CHMP1A: variants seen among roughly 807,000 people sequenced by gnomAD.
CHMP1A encodes VPS46 homolog A.
A neutral mutation model predicts 27.0 loss-of-function variants in CHMP1A; 17 were observed. The observed-to-expected ratio is 0.63, with a 90% CI of 0.43 to 0.95. The LOEUF (loss-of-function observed/expected upper bound fraction) is 0.95. Among genes scored for constraint, CHMP1A ranks in the 40% least tolerant of loss-of-function variants. The pLI, the probability that CHMP1A is intolerant of heterozygous loss-of-function variation, is 0.00. For missense variants in CHMP1A, 275 were observed against 264.0 expected (o/e 1.04, Z -0.29); for synonymous variants, 131 against 107.5 (o/e 1.22, Z -1.35).
chr16:89,650,962 G>C (rs950025680), intron 3 of CHMP1A, among the ~76,000 whole-genome samples: 4 of 152,214 alleles, frequency 2.6e-5, no homozygotes, highest in African/African-American at 9.6e-5. Flanking sequence ...GGCTGGGAAG[G>C]TCTGGCAGGG....
rs765023584 is a variant in CHMP1A at position 89,647,323 on chromosome 16, C to T, written c.261G>A (p.Lys87=). Residue 87 remains lysine, a synonymous_variant, in exon 5 of 7, where the codon AAG becomes AAA. Coordinates refer to ENST00000397901, the MANE Select transcript of CHMP1A (RefSeq NM_002768.5). The part of the protein sequence containing the change: ...QTAVTMKGVT[K]NMAQVTKALD... ...GGGCTTTGGTCACCTGGGCCATATT[C>T]TTGGTCACCTGAGACAGGAGAGAGC... 1 of 1,609,040 alleles carries T rather than the reference C, an allele frequency of 6.2e-7. No individual in the cohort carries two copies. Among genetic ancestry groups the T allele is most frequent in the Non-Finnish European group, 8.5e-7 (1 of 1,176,254 alleles).
intron 2 of CHMP1A, among the ~76,000 whole-genome samples, chr16:89,652,027 C>T (rs1053904812): frequency 1.3e-5 from 2 of 152,254 alleles, no homozygotes; most frequent in African/African-American, 4.8e-5. Context: ...CTGAAGGAAA[C>T]TCATTTCAGG....
chr16:89,647,418 G>C, intron 4 of CHMP1A, 87 bp from the exon 5 acceptor site: 4 of 1,336,058 alleles, frequency 3.0e-6, no homozygotes, highest in Non-Finnish European at 4.1e-6. Context: ...ACTCTGACAG[G>C]AGAGCTGGGG....
intron 3 of CHMP1A, among the ~76,000 whole-genome samples, chr16:89,650,154 G>C (rs2059812934): frequency 6.6e-6 from 1 of 152,142 alleles, no homozygotes; most frequent in Non-Finnish European, 1.5e-5. Flanking sequence ...AGTTTTAAGA[G>C]CTGCACAAGA....
At chr16:89,646,930 G>A (rs932608359) in intron 5 of CHMP1A, 47 of 770,130 alleles carry the variant, frequency 6.1e-5, no homozygotes, top group Admixed American at 1.8e-4. Flanking sequence ...GCCTGCTGCC[G>A]CGGGTGGACA....
chr16:89,652,667 G>A (rs550279661), intron 2 of CHMP1A, among the ~76,000 whole-genome samples: 1 of 152,396 alleles, frequency 6.6e-6, no homozygotes, highest in South Asian at 2.1e-4. Context: ...CAGCACCACA[G>A]GGTGCAGGAC....
Position 89,645,919 on chromosome 16 carries a change from G to C in CHMP1A, c.*147C>G. ...CTAAAAGAACAGGAACAACCCTAAG[G>C]CCACGCAGGCCTGGCAGGTGAGAGA... On this transcript the variant is annotated 3_prime_UTR_variant, in exon 7 of 7. Coordinates refer to ENST00000397901, the MANE Select transcript of CHMP1A (RefSeq NM_002768.5). 1 of 1,609,328 alleles carries C rather than the reference G, an allele frequency of 6.2e-7. No homozygotes were observed. The highest frequency in any genetic ancestry group is 8.5e-7 in the Non-Finnish European group (1 of 1,178,074).
chr16:89,649,515 A>C lies in CHMP1A; in HGVS notation c.106-18T>G. The C allele has an allele frequency of 6.2e-7, 1 of 1,613,110 alleles. No individual in the cohort carries two copies. The highest frequency in any genetic ancestry group is 2.2e-5 in the East Asian group (1 of 44,850). ...AGAAGGGCCTGAAACCCGCGGGGGA[A>C]AGCAGCTGGAAGAGCTTGGTGGTGT... On this transcript the variant is annotated intron_variant, in intron 3 of 6. Coordinates refer to ENST00000397901, the MANE Select transcript of CHMP1A (RefSeq NM_002768.5).
At chr16:89,647,571 GTGCGGGGT>G (rs2059786083) in intron 4 of CHMP1A, among the ~76,000 whole-genome samples, 5 of 146,790 alleles carry the variant, frequency 3.4e-5, no homozygotes, top group African/African-American at 1.3e-4. Context: ...TGGAGACCCA[GTGCGGGGT>G]CAGTGGAGAA....
At chr16:89,654,043 A>C (rs1455341013) in intron 1 of CHMP1A, 120 bp from the exon 2 acceptor site, 2 of 1,086,600 alleles carry the variant, frequency 1.8e-6, no homozygotes, top group Non-Finnish European at 1.4e-6. Flanking sequence ...CACAGACCAC[A>C]CCTGCCTGGG....
In CHMP1A at chr16:89,645,964, G is replaced by A. The variant is rs780126387; in HGVS notation, c.*102C>T. The A allele has an allele frequency of 1.2e-5, 20 of 1,610,794 alleles. No homozygotes were observed. Among genetic ancestry groups the A allele is most frequent in the Non-Finnish European group, 1.4e-5 (16 of 1,179,004 alleles). On this transcript the variant is annotated 3_prime_UTR_variant, in exon 7 of 7. Coordinates refer to ENST00000397901, the MANE Select transcript of CHMP1A (RefSeq NM_002768.5). ...GAGAGACGCAGAGTGGCTGCCGGCC[G>A]CAGCCCCGCGGGGTCAGCACAAAGG...
chr16:89,646,772 C>CA (rs1217076461), intron 5 of CHMP1A, 58 bp from the exon 6 acceptor site: 6 of 1,545,720 alleles, frequency 3.9e-6, no homozygotes, highest in Non-Finnish European at 5.3e-6. Flanking sequence ...GGGCCCCACT[C>CA]AGCTTCACAA....
In CHMP1A at chr16:89,654,000, G is replaced by A. The variant is rs1446435079; in HGVS notation, c.8-77C>T. 8.7e-6 allele frequency: 13 copies of A among 1,486,172 alleles called. No individual in the cohort carries two copies. In the East Asian group the frequency reaches 2.9e-4, roughly 34 times the overall value. The allele number at this position is 1,486,172 out of a possible 1,614,324, so 92.1% of individuals were successfully genotyped here. On this transcript the variant is annotated intron_variant, in intron 1 of 6. Coordinates refer to ENST00000397901, the MANE Select transcript of CHMP1A (RefSeq NM_002768.5). ...ACTTCTGGCAGGCAGGACTCACTAG[G>A]TTCCTTCTAGACACCAGGAGCTAGA...
At chr16:89,647,566 A>C (rs1295363411) in intron 4 of CHMP1A, among the ~76,000 whole-genome samples, 12 of 146,834 alleles carry the variant, frequency 8.2e-5, no homozygotes, top group African/African-American at 2.8e-4. Context: ...CGACGTGGAG[A>C]CCCAGTGCGG....
chr16:89,647,504 C>T lies in CHMP1A; in HGVS notation c.253-173G>A, dbSNP rs80182418. ...GGGTCCTATGGAAAGACCACCAACTCGACGGAAAAGGCCATGGAGACCCAG... is the reference window on the plus strand; with the variant it reads ...GGGTCCTATGGAAAGACCACCAACTTGACGGAAAAGGCCATGGAGACCCAG... On this transcript the variant is annotated intron_variant, in intron 4 of 6. Coordinates refer to ENST00000397901, the MANE Select transcript of CHMP1A (RefSeq NM_002768.5). Among the ~76,000 whole-genome samples the T allele has an allele frequency of 7.4e-4, 113 of 151,934 alleles. No homozygotes were observed. In the East Asian group the frequency reaches 0.014, roughly 19 times the overall value.
At chr16:89,649,777 C>A (rs1249883208) in intron 3 of CHMP1A, among the ~76,000 whole-genome samples, 1 of 152,154 alleles carries the variant, frequency 6.6e-6, no homozygotes, top group Non-Finnish European at 1.5e-5. Context: ...GGGGTTTCAC[C>A]GTGTTAGCCA....
intron 5 of CHMP1A, 170 bp from the exon 6 acceptor site, chr16:89,646,884 G>GCCCCCCCCCCCCGCCCCC: frequency 1.4e-6 from 1 of 709,060 alleles, no homozygotes; most frequent in Non-Finnish European, 2.4e-6. Context: ...AGCCTTTCCT[G>GCCCCCCCCCCCCGCCCCC]CCCCCCCACC....
At chr16:89,646,296 G>A (rs921463778) in intron 6 of CHMP1A, among the ~76,000 whole-genome samples, 3 of 152,124 alleles carry the variant, frequency 2.0e-5, no homozygotes, top group South Asian at 2.1e-4. Flanking sequence ...GTGTGTAAAC[G>A]CCATGCCTGA....
Position 89,646,102 on chromosome 16 carries a change from C to A in CHMP1A, c.570-15G>T. ...AGGCGGCCAACCTGGAAACCAACAA[C>A]AGGACTCGGGTCAGGGCAGGGGAAG... On this transcript the variant is annotated splice_polypyrimidine_tract_variant and intron_variant, in intron 6 of 6. Transcript: ENST00000397901. 6.5e-7 allele frequency: 1 copy of A among 1,539,972 alleles called. No individual in the cohort carries two copies. Among genetic ancestry groups the A allele is most frequent in the South Asian group, 1.3e-5 (1 of 79,270 alleles).
Sources: allele counts gnomAD v4.1 joint callset (sites outside exome capture counted in the v4.1 genomes callset), GRCh38; gene constraint gnomAD v4.1.1; transcripts MANE v1.5; gene names NCBI Gene and HGNC (gene_info 2026-07-23, HGNC 2026-07-21).